Variants in CLSTN3 observed in about 807,000 individuals in gnomAD.
The protein encoded by CLSTN3 is calsyntenin 3, also known as calsyntenin-3.
A neutral mutation model predicts 95.9 loss-of-function variants in CLSTN3; 36 were observed. The observed-to-expected ratio is 0.38, with a 90% CI of 0.29 to 0.50. The LOEUF (loss-of-function observed/expected upper bound fraction) is 0.50. Ranked by LOEUF, CLSTN3 falls within the 20% of genes least tolerant of loss-of-function variation. The probability of loss-of-function intolerance (pLI) is 0.95; values close to 1 mark genes in which losing one functional copy is unlikely to be tolerated. For missense variants in CLSTN3, 1,084 were observed against 1,268.8 expected (o/e 0.85, Z 2.21); for synonymous variants, 481 against 504.0 (o/e 0.95, Z 0.61).
At chr12:7,135,689 T>C in intron 4 of CLSTN3, 115 bp from the exon 5 acceptor site, 2 of 1,417,606 alleles carry the variant, frequency 1.4e-6, no homozygotes, top group Admixed American at 1.9e-5. Flanking sequence ...ATGCCTTTTT[T>C]CCCAGCGTCC....
Position 7,142,935 on chromosome 12 carries a change from G to C in CLSTN3, c.1607G>C (p.Arg536Pro). The C allele has an allele frequency of 6.2e-7, 1 of 1,614,082 alleles. No homozygotes were observed. Among genetic ancestry groups the C allele is most frequent in the Non-Finnish European group, 8.5e-7 (1 of 1,179,990 alleles). ...YLAGFSVRSG[R>P]LESREVIECL... ...GCTGGTTTCAGCGTGCGCTCAGGTC[G>C]CCTGGAGAGCCGCGAGGTCATCGAG... Residue 536 changes from arginine (R) to proline (P), a missense_variant, in exon 11 of 18, where the codon CGC becomes CCC. Coordinates refer to ENST00000266546, the MANE Select transcript of CLSTN3 (RefSeq NM_014718.4).
chr12:7,141,552 A>G lies in CLSTN3; in HGVS notation c.1486+148A>G. 1 of 821,300 alleles carries G rather than the reference A, an allele frequency of 1.2e-6. No individual in the cohort carries two copies. The highest frequency in any genetic ancestry group is 1.5e-5 in the South Asian group (1 of 65,828). The allele number at this position is 821,300 out of a possible 1,614,324, so 50.9% of individuals were successfully genotyped here. On this transcript the variant is annotated intron_variant, in intron 9 of 17. Transcript: ENST00000266546. The surrounding 1 kb of genome is among the most constrained non-coding windows in gnomAD (Gnocchi z 4.1). ...GGGTGACTCTGAAGATCTCCATGGGAAGGGACCACAGCCTCCCTCCCGTAT... is the reference window on the plus strand; with the variant it reads ...GGGTGACTCTGAAGATCTCCATGGGGAGGGACCACAGCCTCCCTCCCGTAT...
rs370059456 is a variant in CLSTN3, at chr12:7,142,947, G to A, written c.1619G>A (p.Arg540His). The change falls in exon 11 of 18, where the codon CGC (arginine) becomes CAC (histidine). Residue 540 changes from arginine to histidine, a missense_variant. Arg to His is a conservative substitution (Grantham distance 29). Transcript: ENST00000266546. ...FSVRSGRLES[R>H]EVIECLYACR... is the part of the protein sequence containing the mutation. Reference sequence around the variant, plus strand: ...GTGCGCTCAGGTCGCCTGGAGAGCCGCGAGGTCATCGAGTGCCTCTATGCA... The same window carrying A: ...GTGCGCTCAGGTCGCCTGGAGAGCCACGAGGTCATCGAGTGCCTCTATGCA... 92 of 1,614,102 alleles carry A rather than the reference G, an allele frequency of 5.7e-5. No individual in the cohort carries two copies. The highest frequency in any genetic ancestry group is 4.3e-4 in the African/African-American group (32 of 75,026).
At position 7,157,971 on chromosome 12, in the gene CLSTN3, G is replaced by A; in HGVS notation, c.2761G>A (p.Gly921Arg). Residue 921 changes from glycine (G) to arginine (R), a missense_variant, in exon 18 of 18, where the codon GGG (glycine) becomes AGG (arginine). Physicochemically the swap from Gly to Arg is moderately radical, Grantham distance 125. Coordinates refer to ENST00000266546, the MANE Select transcript of CLSTN3 (RefSeq NM_014718.4). This position sits in a 1 kb window ranked among gnomAD's most constrained non-coding sequence, Gnocchi z 5.9. ...CCAGAATCGGCAGTCCTGTGTGACG[G>A]GGGCTGTTGGGGGCCAGCAGGAGGA... Reference protein sequence around the residue: ...SYQNRQSCVTGAVGGQQEDED... With the variant: ...SYQNRQSCVTRAVGGQQEDED... 1 of 1,551,278 alleles carries A rather than the reference G, an allele frequency of 6.4e-7. No homozygotes were observed. Among genetic ancestry groups the A allele is most frequent in the African/African-American group, 1.4e-5 (1 of 73,086 alleles).
rs201732853 is a variant in CLSTN3, at chr12:7,150,605, C to T, written c.2307C>T (p.His769=). 2.2e-5 allele frequency: 36 copies of T among 1,614,016 alleles called. No individual in the cohort carries two copies. In the African/African-American group the frequency reaches 2.5e-4, roughly 11 times the overall value. ...ILRQARYRLR[H]GAALYTRKFR... ...GGCAGGCTCGTTATCGGCTGCGACACGGAGCTGCCCTCTACACCAGGAAGT... is the reference window on the plus strand; with the variant it reads ...GGCAGGCTCGTTATCGGCTGCGACATGGAGCTGCCCTCTACACCAGGAAGT... The change falls in exon 15 of 18, where the codon CAC becomes CAT. Residue 769 remains histidine, a synonymous_variant. Coordinates refer to ENST00000266546, the MANE Select transcript of CLSTN3 (RefSeq NM_014718.4). This position sits in a 1 kb window ranked among gnomAD's most constrained non-coding sequence, Gnocchi z 4.0.
rs1205021258 is a variant in CLSTN3 at position 7,157,938 on chromosome 12, C to G, written c.2731-3C>G. On this transcript the variant is annotated splice_region_variant and splice_polypyrimidine_tract_variant and intron_variant, in intron 17 of 17. Coordinates refer to ENST00000266546, the MANE Select transcript of CLSTN3 (RefSeq NM_014718.4). The surrounding 1 kb of genome is among the most constrained non-coding windows in gnomAD (Gnocchi z 5.9). ...CCTTCTCCTCTCTGTTCCTGCCCTC[C>G]AGTCCTACCAGAATCGGCAGTCCTG... 2 of 1,550,612 alleles carry G rather than the reference C, an allele frequency of 1.3e-6. No homozygotes were observed. Among genetic ancestry groups the G allele is most frequent in the Admixed American group, 3.9e-5 (2 of 50,966 alleles).
At position 7,135,944 on chromosome 12, in the gene CLSTN3, A is replaced by G. The variant is rs1422489979; in HGVS notation, c.733A>G (p.Ser245Gly). ...TCAGGTGAAGCCCACCTGTAAACCC[A>G]GCTGGCAAGGTGAGAGCTCAGCGCT... ...EIQVKPTCKP[S>G]WQGWNKRIEY... Residue 245 changes from serine (S) to glycine (G), a missense_variant, in exon 5 of 18, where the codon AGC becomes GGC. Physicochemically the swap from Ser to Gly is moderately conservative, Grantham distance 56 (BLOSUM62 0). Transcript: ENST00000266546. 2 of 1,609,454 alleles carry G rather than the reference A, an allele frequency of 1.2e-6. No homozygotes were observed. Among genetic ancestry groups the G allele is most frequent in the Non-Finnish European group, 1.7e-6 (2 of 1,178,170 alleles).
chr12:7,130,336 G>C, upstream of CLSTN3: 2 of 1,156,358 alleles, frequency 1.7e-6, no homozygotes, highest in Non-Finnish European at 2.2e-6. Context: ...ATTGGCCGGC[G>C]GCCCCATCAA....
chr12:7,137,272 A>C lies in CLSTN3; in HGVS notation c.1210+162A>C. On this transcript the variant is annotated intron_variant, in intron 7 of 17. Coordinates refer to ENST00000266546, the MANE Select transcript of CLSTN3 (RefSeq NM_014718.4). This position sits in a 1 kb window ranked among gnomAD's most constrained non-coding sequence, Gnocchi z 4.4. ...GCCTTGATTCTGTGCTTTATCCCCA[A>C]CATGACATGTTGGATCGTACTGCTG... 3.0e-6 allele frequency: 2 copies of C among 672,168 alleles called. No homozygotes were observed. Among genetic ancestry groups the C allele is most frequent in the Non-Finnish European group, 5.0e-6 (2 of 402,964 alleles). The allele number at this position is 672,168 out of a possible 1,614,324, so 41.6% of individuals were successfully genotyped here. A position where few individuals can be genotyped will look rare whatever the true frequency, so the allele number is the denominator to read the frequency against.
At chr12:7,144,593 C>T (rs1939590016) in intron 12 of CLSTN3, among the ~76,000 whole-genome samples, 1 of 152,098 alleles carries the variant, frequency 6.6e-6, no homozygotes, top group Non-Finnish European at 1.5e-5. Flanking sequence ...GGTTTATGGG[C>T]GGTTTTTAGG....
chr12:7,135,794 C>T lies in CLSTN3; in HGVS notation c.593-10C>T, dbSNP rs1232485030. The T allele has an allele frequency of 2.5e-6, 4 of 1,596,040 alleles. No homozygotes were observed. The highest frequency in any genetic ancestry group is 1.7e-4 in the Middle Eastern group (1 of 5,958). On this transcript the variant is annotated splice_polypyrimidine_tract_variant and intron_variant, in intron 4 of 17. Transcript: ENST00000266546. ...TGCTCTAATGCTCTGTCCTCCTGAC[C>T]CCACCCCAGGGAACATTGAGAACAC...
At chr12:7,147,233 T>A (rs1939634204) in intron 12 of CLSTN3, among the ~76,000 whole-genome samples, 1 of 151,410 alleles carries the variant, frequency 6.6e-6, no homozygotes, top group South Asian at 2.1e-4. Context: ...TGTGGTTTAG[T>A]GGAAAGATCA....
chr12:7,140,830 C>G (rs1033675751), intron 8 of CLSTN3, among the ~76,000 whole-genome samples: 14 of 152,124 alleles, frequency 9.2e-5, no homozygotes, highest in African/African-American at 2.9e-4. Flanking sequence ...TTGCTTGAGC[C>G]GAGGGGTTTG....
intron 10 of CLSTN3, among the ~76,000 whole-genome samples, chr12:7,142,527 C>G (rs1261424358): frequency 6.6e-6 from 1 of 152,182 alleles, no homozygotes; most frequent in Non-Finnish European, 1.5e-5. Context: ...CTCCCCCTCC[C>G]TCCTTGTTTT....
Position 7,157,458 on chromosome 12 carries a change from C to T in CLSTN3, c.2528-31C>T, listed in dbSNP as rs747827269. 1.5e-5 allele frequency: 23 copies of T among 1,528,152 alleles called. 1 individual carries two copies. Among genetic ancestry groups the T allele is most frequent in the South Asian group, 3.8e-5 (3 of 78,278 alleles). The allele number at this position is 1,528,152 out of a possible 1,614,324, so 94.7% of individuals were successfully genotyped here. A position where few individuals can be genotyped will look rare whatever the true frequency, so the allele number is the denominator to read the frequency against. ...AAGTGCCCCCAGGTGTGCCTAGTCA[C>T]GCTCTGCTCACCCCCGCGCTCTCTC... On this transcript the variant is annotated intron_variant, in intron 16 of 17. Coordinates refer to ENST00000266546, the MANE Select transcript of CLSTN3 (RefSeq NM_014718.4). The surrounding 1 kb of genome is among the most constrained non-coding windows in gnomAD (Gnocchi z 5.9).
Position 7,141,999 on chromosome 12 carries a change from T to C in CLSTN3, c.1487-87T>C. On this transcript the variant is annotated intron_variant, in intron 9 of 17. Transcript: ENST00000266546. The surrounding 1 kb of genome is among the most constrained non-coding windows in gnomAD (Gnocchi z 4.1). ...GTGGGCATGAGAGCACTCATGGGGA[T>C]GAGAGGAAGACATCTCATTCCTCTC... is the stretch of plus-strand genomic sequence containing the variant. 9.4e-7 allele frequency: 1 copy of C among 1,063,374 alleles called. No homozygotes were observed. The highest frequency in any genetic ancestry group is 1.4e-6 in the Non-Finnish European group (1 of 733,044). 65.9% of individuals were successfully genotyped at this position (1,063,374 alleles called of 1,614,324 possible). A position where few individuals can be genotyped will look rare whatever the true frequency, so the allele number is the denominator to read the frequency against.
intron 12 of CLSTN3, among the ~76,000 whole-genome samples, chr12:7,144,377 C>T (rs1474542002): frequency 6.6e-6 from 1 of 151,632 alleles, no homozygotes; most frequent in Non-Finnish European, 1.5e-5. Context: ...TGAGAGGCAA[C>T]GAAAGTATGA....
chr12:7,147,173 TTC>T (rs1939633469), intron 12 of CLSTN3, among the ~76,000 whole-genome samples: 1 of 151,918 alleles, frequency 6.6e-6, no homozygotes, highest in Non-Finnish European at 1.5e-5. Context: ...GTGGGGAAAC[TTC>T]TTTACAGATA....
At position 7,136,908 on chromosome 12, in the gene CLSTN3, C is replaced by T. The variant is rs1424309273; in HGVS notation, c.1008C>T (p.Tyr336=). The T allele has an allele frequency of 2.5e-6, 4 of 1,614,182 alleles. No individual in the cohort carries two copies. Among genetic ancestry groups the T allele is most frequent in the East Asian group, 4.5e-5 (2 of 44,874 alleles). ...ANWTAGLSVH[Y]SQDSSLIYWF... is the part of the protein sequence containing the mutation. ...GGACAGCAGGACTCTCGGTGCACTA[C>T]AGCCAGGACAGCAGCCTGATCTACT... is the stretch of plus-strand genomic sequence containing the variant. Residue 336 remains tyrosine, a synonymous_variant, in exon 7 of 18, where the codon TAC becomes TAT. Transcript: ENST00000266546.
Sources: gnomAD v4.1 joint callset for allele counts (sites outside exome capture counted in the v4.1 genomes callset) on GRCh38, gnomAD v4.1.1 for gene constraint, Gnocchi (gnomAD v3.1) non-coding constraint, MANE v1.5 for transcripts, NCBI Gene and HGNC (gene_info 2026-07-23, HGNC 2026-07-21) for gene names.